Variants in ZNF326 observed in about 807,000 individuals in gnomAD.
ZNF326 encodes zinc finger protein 326.
ZNF326 carries 30 observed loss-of-function variants against 63.1 expected under a neutral mutation model. That is an observed-to-expected ratio of 0.48 (90% CI 0.36 to 0.64). The LOEUF (loss-of-function observed/expected upper bound fraction) is 0.64. Among genes scored for constraint, ZNF326 ranks in the 30% least tolerant of loss-of-function variants. ZNF326 has a pLI of 0.00. For missense variants in ZNF326, 609 were observed against 720.3 expected (o/e 0.85, Z 1.77); for synonymous variants, 194 against 228.2 (o/e 0.85, Z 1.35).
rs542385676 is a variant in ZNF326 at position 90,007,964 on chromosome 1, A to G, written c.615+214A>G. 1.3e-5 allele frequency among the ~76,000 whole-genome samples: 2 copies of G among 152,326 alleles called. No homozygotes were observed. Among genetic ancestry groups the G allele is most frequent in the East Asian group, 1.9e-4 (1 of 5,186 alleles). ...TTGAGATGATCATAAAGTTGTGCCAAATCTCCCTTTATTAAAAAGGTGAGG... is the reference window on the plus strand; with the variant it reads ...TTGAGATGATCATAAAGTTGTGCCAGATCTCCCTTTATTAAAAAGGTGAGG... On this transcript the variant is annotated intron_variant, in intron 5 of 11. Transcript: ENST00000340281. The surrounding 1 kb of genome is among the most constrained non-coding windows in gnomAD (Gnocchi z 4.9).
intron 1 of ZNF326, among the ~76,000 whole-genome samples, chr1:89,997,236 TTAAC>T: frequency 6.6e-6 from 1 of 152,346 alleles, no homozygotes; most frequent in African/African-American, 2.4e-5. Flanking sequence ...ATTTGTAAAA[TTAAC>T]TAAAGAATTT....
At chr1:90,004,956 A>C in intron 2 of ZNF326, 47 bp from the exon 3 acceptor site, 1 of 1,546,526 alleles carries the variant, frequency 6.5e-7, no homozygotes, top group Non-Finnish European at 8.9e-7. Flanking sequence ...AGATCCCTGA[A>C]GAGAATGGTG....
At chr1:90,027,275 A>C in intron 11 of ZNF326, 79 bp from the exon 12 acceptor site, 1 of 1,326,850 alleles carries the variant, frequency 7.5e-7, no homozygotes, top group Non-Finnish European at 1.1e-6. Flanking sequence ...TTCTCATGAT[A>C]TGGCAAGTAA....
chr1:90,007,568 T>C lies in ZNF326; in HGVS notation c.433T>C (p.Phe145Leu). The C allele has an allele frequency of 6.2e-7, 1 of 1,613,594 alleles. No individual in the cohort carries two copies. Among genetic ancestry groups the C allele is most frequent in the Non-Finnish European group, 8.5e-7 (1 of 1,179,824 alleles). ...CTCCCGTTCAAAATTGAGGCCTGGGTTTATGGAGGACAGAGGAAGAGAGAA... is the reference window on the plus strand; with the variant it reads ...CTCCCGTTCAAAATTGAGGCCTGGGCTTATGGAGGACAGAGGAAGAGAGAA... ...PYSRSKLRPG[F>L]MEDRGRENYS... is the part of the protein sequence containing the mutation. Residue 145 changes from phenylalanine to leucine, a missense_variant, in exon 5 of 12, where the codon TTT (phenylalanine) becomes CTT (leucine). Transcript: ENST00000340281. This position sits in a 1 kb window ranked among gnomAD's most constrained non-coding sequence, Gnocchi z 4.9.
chr1:90,012,849 C>T (rs555491523), intron 6 of ZNF326, among the ~76,000 whole-genome samples: 10 of 152,070 alleles, frequency 6.6e-5, no homozygotes, highest in African/African-American at 1.9e-4. Flanking sequence ...AAGGATAGGA[C>T]AAATGAGCAC....
chr1:90,005,328 A>G (rs1648935485), intron 4 of ZNF326, 84 bp downstream of exon 4: 2 of 1,520,918 alleles, frequency 1.3e-6, no homozygotes, highest in Non-Finnish European at 1.8e-6. Flanking sequence ...TAGGCATGTT[A>G]TGATACTTGA....
chr1:89,999,276 G>T (rs537631438), intron 2 of ZNF326, among the ~76,000 whole-genome samples: 62 of 149,788 alleles, frequency 4.1e-4, no homozygotes, highest in African/African-American at 1.5e-3. Context: ...AATTGAGAGG[G>T]TTGAATAAAA....
chr1:90,020,711 C>G, intron 9 of ZNF326, 81 bp from the exon 10 acceptor site: 1 of 1,379,030 alleles, frequency 7.3e-7, no homozygotes, highest in Non-Finnish European at 1.0e-6. Context: ...TATAAATAAT[C>G]ATGGAAATTA....
intron 2 of ZNF326, among the ~76,000 whole-genome samples, chr1:90,002,899 T>C (rs917873062): frequency 2.0e-5 from 3 of 152,206 alleles, no homozygotes; most frequent in African/African-American, 4.8e-5. Context: ...TTATATAAAA[T>C]GCAGATTTTC....
Position 90,018,787 on chromosome 1 carries a change from A to G in ZNF326, c.1174+3A>G. The G allele has an allele frequency of 6.8e-7, 1 of 1,479,068 alleles. No homozygotes were observed. The highest frequency in any genetic ancestry group is 1.2e-5 in the South Asian group (1 of 81,038). 91.6% of individuals were successfully genotyped at this position (1,479,068 alleles called of 1,614,324 possible). On this transcript the variant is annotated splice_donor_region_variant and intron_variant, in intron 9 of 11. Transcript: ENST00000340281. ...AATTGAAAAAGATGTTATGGAAGGT[A>G]AGTATTTAAAACAAATTATTTTAAA...
rs1048040677 is a variant in ZNF326, at chr1:90,022,127, A to G, written c.1306-123A>G. 5 of 714,360 alleles carry G rather than the reference A, an allele frequency of 7.0e-6. No individual in the cohort carries two copies. In the African/African-American group the frequency reaches 7.2e-5, roughly 10 times the overall value. 44.3% of individuals were successfully genotyped at this position (714,360 alleles called of 1,614,324 possible). A position where few individuals can be genotyped will look rare whatever the true frequency, so the allele number is the denominator to read the frequency against. On this transcript the variant is annotated intron_variant, in intron 10 of 11. Coordinates refer to ENST00000340281, the MANE Select transcript of ZNF326 (RefSeq NM_182976.4). ...TGGTTATAGTAGTTGCTATTGCTCT[A>G]TAGTTTGTAAGAAGATAAGTCATTT...
intron 5 of ZNF326, among the ~76,000 whole-genome samples, chr1:90,008,506 G>A (rs1234320584): frequency 6.6e-6 from 1 of 152,064 alleles, no homozygotes; most frequent in African/African-American, 2.4e-5. Context: ...TAAGTTTAGG[G>A]TACATAGTGT....
chr1:89,997,218 C>A (rs1648421776), intron 1 of ZNF326, among the ~76,000 whole-genome samples: 1 of 152,106 alleles, frequency 6.6e-6, no homozygotes, highest in African/African-American at 2.4e-5. Context: ...TCTGTTCTTT[C>A]AGTATATATT....
chr1:90,005,900 A>G, intron 4 of ZNF326: 2 of 985,414 alleles, frequency 2.0e-6, no homozygotes, highest in Non-Finnish European at 2.4e-6. Context: ...TTGTATTTAT[A>G]TTTTCCTGTT....
At chr1:90,021,801 A>G (rs1649785103) in intron 10 of ZNF326, among the ~76,000 whole-genome samples, 1 of 152,110 alleles carries the variant, frequency 6.6e-6, no homozygotes, top group Non-Finnish European at 1.5e-5. Flanking sequence ...TCTTCTCTTG[A>G]TATTCCCTTG....
chr1:90,023,451 C>G (rs1205105406), intron 11 of ZNF326, among the ~76,000 whole-genome samples: 4 of 152,070 alleles, frequency 2.6e-5, no homozygotes, highest in Non-Finnish European at 5.9e-5. Flanking sequence ...CCTTTCCAAG[C>G]TAAATAATAT....
At chr1:90,018,965 T>TA (rs1488472174) in intron 9 of ZNF326, among the ~76,000 whole-genome samples, 181 bp downstream of exon 9, 1 of 152,170 alleles carries the variant, frequency 6.6e-6, no homozygotes, top group Non-Finnish European at 1.5e-5. Context: ...AATTTATCAT[T>TA]ACCTGCCATT....
intron 2 of ZNF326, among the ~76,000 whole-genome samples, chr1:89,999,616 T>C (rs1648571163): frequency 6.6e-6 from 1 of 152,226 alleles, no homozygotes; most frequent in Non-Finnish European, 1.5e-5. Flanking sequence ...TTTTCACACA[T>C]AGCCTATACC....
At chr1:90,015,869 A>G (rs1299770700) in intron 7 of ZNF326, among the ~76,000 whole-genome samples, 1 of 152,170 alleles carries the variant, frequency 6.6e-6, no homozygotes, top group Non-Finnish European at 1.5e-5. Context: ...AAAGCAGTGT[A>G]GATTGAAGTG....
Sources: allele counts gnomAD v4.1 joint callset (sites outside exome capture counted in the v4.1 genomes callset), GRCh38; gene constraint gnomAD v4.1.1; non-coding constraint Gnocchi (gnomAD v3.1); transcripts MANE v1.5; gene names NCBI Gene and HGNC (gene_info 2026-07-23, HGNC 2026-07-21).